LHPP: variants seen among roughly 807,000 people sequenced by gnomAD.
LHPP encodes phospholysine phosphohistidine inorganic pyrophosphate phosphatase.
LHPP carries 24 observed loss-of-function variants against 30.3 expected under a neutral mutation model. The ratio of observed to expected loss-of-function variants is 0.79; its 90% confidence interval spans 0.57 to 1.11. The LOEUF (loss-of-function observed/expected upper bound fraction) is 1.11. Among genes scored for constraint, LHPP ranks in the 50% most tolerant of loss-of-function variants. LHPP has a pLI of 0.00. For synonymous variants in LHPP, 150 were observed against 157.1 expected (o/e 0.95, Z 0.34); for missense variants, 356 against 367.2 (o/e 0.97, Z 0.25).
chr10:124,462,510 G>T (rs367911570), intron 1 of LHPP, among the ~76,000 whole-genome samples: 3 of 152,086 alleles, frequency 2.0e-5, no homozygotes. Flanking sequence ...CAGGAGGATC[G>T]CTTGAGCCCA....
At chr10:124,531,168 G>A (rs907581849) in intron 6 of LHPP, among the ~76,000 whole-genome samples, 9 of 152,172 alleles carry the variant, frequency 5.9e-5, no homozygotes, top group Admixed American at 4.6e-4. Flanking sequence ...CTTCCCTGGT[G>A]ATGGAATTCC....
intron 5 of LHPP, among the ~76,000 whole-genome samples, chr10:124,499,253 C>A (rs1262034064): frequency 6.6e-6 from 1 of 151,912 alleles, no homozygotes; most frequent in Non-Finnish European, 1.5e-5. Context: ...ACTCCTAGCT[C>A]AAGCCGTCCT....
intron 6 of LHPP, among the ~76,000 whole-genome samples, chr10:124,552,659 C>T (rs1295895401): frequency 6.6e-6 from 1 of 152,166 alleles, no homozygotes. Flanking sequence ...ATTTCTAAAT[C>T]GGGTCTAGAT....
At chr10:124,558,572 C>T (rs757650065) in intron 6 of LHPP, among the ~76,000 whole-genome samples, 5 of 152,246 alleles carry the variant, frequency 3.3e-5, no homozygotes, top group Admixed American at 1.3e-4. Flanking sequence ...CAGACCTAGG[C>T]AGAAGCCCTG....
chr10:124,600,279 TTC>T (rs1323164307), intron 6 of LHPP, among the ~76,000 whole-genome samples: 3 of 152,250 alleles, frequency 2.0e-5, no homozygotes, highest in Non-Finnish European at 4.4e-5. Context: ...GAGCTTTTGT[TTC>T]TGTTACTGGC....
At chr10:124,470,014 G>A (rs1589753622) in intron 1 of LHPP, among the ~76,000 whole-genome samples, 1 of 152,204 alleles carries the variant, frequency 6.6e-6, no homozygotes, top group East Asian at 1.9e-4. Flanking sequence ...GCCAGGCAGG[G>A]CCCACTTGCT....
intron 6 of LHPP, among the ~76,000 whole-genome samples, chr10:124,610,822 T>C (rs1193204632): frequency 3.3e-4 from 2 of 6,042 alleles, no homozygotes; most frequent in Non-Finnish European, 5.4e-4. Context: ...ATGGAGCGGG[T>C]GAGGGTGAGG....
chr10:124,498,010 T>C lies in LHPP; in HGVS notation c.532-26T>C, dbSNP rs769173807. 7 of 1,584,806 alleles carry C rather than the reference T, an allele frequency of 4.4e-6. No individual in the cohort carries two copies. In the African/African-American group the frequency reaches 5.4e-5, roughly 12 times the overall value. On this transcript the variant is annotated intron_variant, in intron 4 of 6. Transcript: ENST00000368842. ...CACCTGTTCCTTGATCCCAAACTTA[T>C]GCCATGTCCCTCTCTCTTTTCCCAG...
At position 124,523,770 on chromosome 10, in the gene LHPP, G is replaced by A. The variant is rs1181199241; in HGVS notation, c.716+6499G>A. ...GAGCCAGCCCCGGTGGAGAGAAAGG[G>A]CCAGTGCTGGGCTTGGGAGCTCACC... is the stretch of plus-strand genomic sequence containing the variant. On this transcript the variant is annotated intron_variant, in intron 6 of 6. Coordinates refer to ENST00000368842, the MANE Select transcript of LHPP (RefSeq NM_022126.4). The surrounding 1 kb of genome is among the most constrained non-coding windows in gnomAD (Gnocchi z 4.2). 6.6e-6 allele frequency among the ~76,000 whole-genome samples: 1 copy of A among 152,186 alleles called. No homozygotes were observed. Among genetic ancestry groups the A allele is most frequent in the Non-Finnish European group, 1.5e-5 (1 of 68,034 alleles).
At position 124,541,380 on chromosome 10, in the gene LHPP, C is replaced by G. The variant is rs1222230499; in HGVS notation, c.716+24109C>G. 1.3e-5 allele frequency among the ~76,000 whole-genome samples: 2 copies of G among 152,252 alleles called. No homozygotes were observed. Among genetic ancestry groups the G allele is most frequent in the Non-Finnish European group, 2.9e-5 (2 of 68,032 alleles). On this transcript the variant is annotated intron_variant, in intron 6 of 6. Transcript: ENST00000368842. The surrounding 1 kb of genome is among the most constrained non-coding windows in gnomAD (Gnocchi z 4.2). ...TGGAAAGAGCCCAGGAAGGAGCTCT[C>G]TGCCTTGCAAGAACATTGCCTGTGG...
chr10:124,462,089 G>C, intron 1 of LHPP, 102 bp downstream of exon 1: 1 of 1,045,092 alleles, frequency 9.6e-7, no homozygotes, highest in African/African-American at 1.7e-5. Flanking sequence ...GGGCCGCGGC[G>C]CAGGCCCCGC....
intron 6 of LHPP, among the ~76,000 whole-genome samples, chr10:124,533,389 A>T (rs1325704131): frequency 6.6e-6 from 1 of 152,118 alleles, no homozygotes; most frequent in Non-Finnish European, 1.5e-5. Context: ...GGACCATGTC[A>T]CCCAAAAGTT....
At chr10:124,602,806 G>T (rs181462759) in intron 6 of LHPP, among the ~76,000 whole-genome samples, 133 of 152,314 alleles carry the variant, frequency 8.7e-4, no homozygotes, top group African/African-American at 3.1e-3. Flanking sequence ...TCCAGATGGG[G>T]GCCAGACCAC....
intron 6 of LHPP, among the ~76,000 whole-genome samples, chr10:124,571,064 T>C (rs938674409): frequency 1.2e-4 from 18 of 152,364 alleles, no homozygotes; most frequent in African/African-American, 2.4e-4. Flanking sequence ...CTGCACACGC[T>C]CTCTTCTCTT....
chr10:124,534,587 CT>C (rs1436304649), intron 6 of LHPP, among the ~76,000 whole-genome samples: 3 of 152,254 alleles, frequency 2.0e-5, no homozygotes, highest in Non-Finnish European at 4.4e-5. Context: ...GCTTCCTTCC[CT>C]GTCTGTAAAA....
intron 6 of LHPP, among the ~76,000 whole-genome samples, chr10:124,581,943 A>G (rs34515455): frequency 0.27 from 40,249 of 151,000 alleles, 5,383 homozygotes; most frequent in East Asian, 0.35. Flanking sequence ...CACCACACCC[A>G]GCTAATTTTT....
chr10:124,580,801 C>T (rs887491257), intron 6 of LHPP, among the ~76,000 whole-genome samples: 7 of 151,294 alleles, frequency 4.6e-5, no homozygotes, highest in Admixed American at 3.3e-4. Context: ...TCACTGCAAC[C>T]TCTGCCTCCT....
intron 5 of LHPP, among the ~76,000 whole-genome samples, chr10:124,502,799 C>T (rs1470711399): frequency 6.6e-6 from 1 of 150,388 alleles, no homozygotes; most frequent in Non-Finnish European, 1.5e-5. Flanking sequence ...GCCTCAGCCT[C>T]CTGAGTAGCT....
intron 6 of LHPP, among the ~76,000 whole-genome samples, chr10:124,574,479 G>C (rs991963430): frequency 6.6e-6 from 1 of 152,242 alleles, no homozygotes; most frequent in Non-Finnish European, 1.5e-5. Context: ...TCTGCGGGAG[G>C]TGTTGTGTGC....
Sources: gnomAD v4.1 joint callset for allele counts (sites outside exome capture counted in the v4.1 genomes callset) on GRCh38, gnomAD v4.1.1 for gene constraint, Gnocchi (gnomAD v3.1) non-coding constraint, MANE v1.5 for transcripts, NCBI Gene and HGNC (gene_info 2026-07-23, HGNC 2026-07-21) for gene names.